NEIL2: variants seen among roughly 807,000 people sequenced by gnomAD.
The protein encoded by NEIL2 is nei like DNA glycosylase 2.
Under a neutral mutation model 22.2 loss-of-function variants are expected in NEIL2, and 23 were observed. The observed-to-expected ratio is 1.04, with a 90% CI of 0.75 to 1.47. The LOEUF (loss-of-function observed/expected upper bound fraction) is 1.47, where lower values mean the gene tolerates loss of function less well. Among genes scored for constraint, NEIL2 ranks in the 40% most tolerant of loss-of-function variants. The probability of loss-of-function intolerance (pLI) is 0.00; values close to 1 mark genes in which losing one functional copy is unlikely to be tolerated. For missense variants in NEIL2, 583 were observed against 404.7 expected, an observed-to-expected ratio of 1.44 and a Z score of -3.78; for synonymous variants, 229 against 164.8, an observed-to-expected ratio of 1.39 and a Z score of -2.99.
In NEIL2 at chr8:11,771,468, G is replaced by A; in HGVS notation, c.21G>A (p.Val7=). ...CAGGGATGCCAGAAGGGCCGTTGGT[G>A]AGGAAATTTCACCATTTGGTCTCCC... MPEGPL[V]RKFHHLVSPF... Residue 7 remains valine, a synonymous_variant, in exon 2 of 5, where the codon GTG becomes GTA. Coordinates refer to ENST00000284503, the MANE Select transcript of NEIL2 (RefSeq NM_145043.4). The A allele has an allele frequency of 1.2e-6, 2 of 1,614,020 alleles. No individual in the cohort carries two copies. The highest frequency in any genetic ancestry group is 1.1e-5 in the South Asian group (1 of 91,074).
intron 1 of NEIL2, among the ~76,000 whole-genome samples, chr8:11,770,959 G>T (rs1054124627): frequency 5.9e-5 from 9 of 152,184 alleles, no homozygotes; most frequent in Non-Finnish European, 1.0e-4. Context: ...CCACGCTAGT[G>T]GTCGGCGGTC....
intron 2 of NEIL2, among the ~76,000 whole-genome samples, chr8:11,773,223 T>C (rs945001044): frequency 6.6e-6 from 1 of 152,156 alleles, no homozygotes; most frequent in African/African-American, 2.4e-5. Context: ...AAGAGAATAT[T>C]TCCCAAGTGG....
At chr8:11,778,930 C>A (rs544140892) in intron 2 of NEIL2, among the ~76,000 whole-genome samples, 1 of 104,382 alleles carries the variant, frequency 9.6e-6, no homozygotes, top group African/African-American at 3.9e-5. Flanking sequence ...CCAGTCTAGG[C>A]GAGACTCCAT....
At chr8:11,771,307 C>CA in intron 1 of NEIL2, 139 bp from the exon 2 acceptor site, 1 of 1,028,208 alleles carries the variant, frequency 9.7e-7, no homozygotes, top group Non-Finnish European at 1.5e-6. Flanking sequence ...CTCCCAGCCA[C>CA]ACTCCCTTTT....
At chr8:11,784,933 A>G (rs1280571037) in intron 4 of NEIL2, among the ~76,000 whole-genome samples, 4 of 152,286 alleles carry the variant, frequency 2.6e-5, no homozygotes, top group South Asian at 2.1e-4. Context: ...CAGTGGCACA[A>G]TCACAACCCA....
intron 2 of NEIL2, among the ~76,000 whole-genome samples, chr8:11,771,971 G>A (rs567035032): frequency 6.6e-6 from 1 of 152,136 alleles, no homozygotes; most frequent in Non-Finnish European, 1.5e-5. Context: ...TTGGGAGGCC[G>A]AGGCGGGTGG....
Position 11,786,116 on chromosome 8 carries a change from A to C in NEIL2, c.842A>C (p.Gln281Pro). 6.2e-7 allele frequency: 1 copy of C among 1,614,152 alleles called. No individual in the cohort carries two copies. Among genetic ancestry groups the C allele is most frequent in the Non-Finnish European group, 8.5e-7 (1 of 1,180,026 alleles). Reference sequence around the variant, plus strand: ...CAGGGCAAGTTCCAAGGCAGACCGCAGCACACACAGGTCTACCAGAAAGAA... The same window carrying C: ...CAGGGCAAGTTCCAAGGCAGACCGCCGCACACACAGGTCTACCAGAAAGAA... ...WLQGKFQGRP[Q>P]HTQVYQKEQC... The change falls in exon 5 of 5, where the codon CAG becomes CCG. Residue 281 changes from glutamine (Q) to proline (P), a missense_variant. Transcript: ENST00000284503.
intron 2 of NEIL2, 35 bp downstream of exon 2, chr8:11,771,620 C>T (rs804268): frequency 3.1e-6 from 5 of 1,597,072 alleles, no homozygotes; most frequent in Admixed American, 1.7e-5. Context: ...TTGGCTCTGT[C>T]GCCCATCCTG....
intron 3 of NEIL2, chr8:11,782,661 T>G (rs1804525496): frequency 5.2e-6 from 1 of 191,570 alleles, no homozygotes; most frequent in South Asian, 1.1e-4. Context: ...TTACTGAGTG[T>G]GCATTGATTT....
chr8:11,771,862 T>C (rs1803479682), intron 2 of NEIL2, among the ~76,000 whole-genome samples: 1 of 152,198 alleles, frequency 6.6e-6, no homozygotes, highest in Non-Finnish European at 1.5e-5. Context: ...ATGGGCACCT[T>C]TGGCTGGGAA....
At position 11,779,884 on chromosome 8, in the gene NEIL2, G is replaced by C; in HGVS notation, c.425G>C (p.Trp142Ser). Residue 142 changes from tryptophan to serine, a missense_variant, in exon 3 of 5, where the codon TGG becomes TCG. Physicochemically the swap from Trp to Ser is radical, Grantham distance 177 (BLOSUM62 -3). Transcript: ENST00000284503. Reference protein sequence around the residue: ...RVSFGLFGSVWVNDFSRAKKA... With the variant: ...RVSFGLFGSVSVNDFSRAKKA... ...AGCTTTGGTTTGTTTGGCAGCGTTT[G>C]GGTGAACGATTTCTCCAGAGCCAAG... 6 of 1,614,202 alleles carry C rather than the reference G, an allele frequency of 3.7e-6. No homozygotes were observed. The highest frequency in any genetic ancestry group is 4.2e-6 in the Non-Finnish European group (5 of 1,180,038).
Position 11,771,554 on chromosome 8 carries a change from G to A in NEIL2, c.107G>A (p.Ser36Asn), listed in dbSNP as rs1441877618. ...GGSSKKLQPA[S>N]LQSLWLQDTQ... ...AGCAGTAAGAAGCTACAGCCCGCCA[G>A]CCTGCAGTCTCTGTGGCTCCAGGAC... The change falls in exon 2 of 5, where the codon AGC becomes AAC. Residue 36 changes from serine to asparagine, a missense_variant. Coordinates refer to ENST00000284503, the MANE Select transcript of NEIL2 (RefSeq NM_145043.4). 9.9e-6 allele frequency: 16 copies of A among 1,613,982 alleles called. No homozygotes were observed. In the Admixed American group the frequency reaches 2.2e-4, roughly 22 times the overall value.
chr8:11,778,585 G>C (rs1321601816), intron 2 of NEIL2, among the ~76,000 whole-genome samples: 1 of 152,036 alleles, frequency 6.6e-6, no homozygotes, highest in Admixed American at 6.5e-5. Context: ...TGAATTTCAG[G>C]CTGTGTAGAA....
chr8:11,772,484 C>T (rs1395413969), intron 2 of NEIL2, among the ~76,000 whole-genome samples: 1 of 152,262 alleles, frequency 6.6e-6, no homozygotes, highest in African/African-American at 2.4e-5. Flanking sequence ...GGTCTTCCAG[C>T]TTCCACTTGG....
intron 2 of NEIL2, among the ~76,000 whole-genome samples, chr8:11,777,880 G>A (rs1446277610): frequency 1.3e-5 from 2 of 152,232 alleles, no homozygotes; most frequent in African/African-American, 4.8e-5. Context: ...CCATTCAGGA[G>A]GCCAGAGCTC....
At chr8:11,773,360 T>C (rs1803638011) in intron 2 of NEIL2, among the ~76,000 whole-genome samples, 1 of 152,148 alleles carries the variant, frequency 6.6e-6, no homozygotes, top group Non-Finnish European at 1.5e-5. Flanking sequence ...CGGGGCTGCC[T>C]GGCAGTGCTT....
Position 11,786,396 on chromosome 8 carries a change from T to A in NEIL2, c.*123T>A, listed in dbSNP as rs940997439. On this transcript the variant is annotated 3_prime_UTR_variant, in exon 5 of 5. Transcript: ENST00000284503. ...TAGTGTGGGTCAGAGGTGCCAGTAG[T>A]ATAATATTCGTCTCCCTGGAGTTAT... 1 of 931,168 alleles carries A rather than the reference T, an allele frequency of 1.1e-6. No individual in the cohort carries two copies. Among genetic ancestry groups the A allele is most frequent in the Non-Finnish European group, 1.7e-6 (1 of 584,936 alleles). The allele number at this position is 931,168 out of a possible 1,614,324, so 57.7% of individuals were successfully genotyped here. A position where few individuals can be genotyped will look rare whatever the true frequency, so the allele number is the denominator to read the frequency against.
rs193163077 is a variant in NEIL2 at position 11,783,999 on chromosome 8, A to T, written c.688+600A>T. Among the ~76,000 whole-genome samples the T allele has an allele frequency of 3.9e-3, 589 of 152,360 alleles. 3 individuals carry two copies. Among genetic ancestry groups the T allele is most frequent in the Non-Finnish European group, 6.5e-3 (441 of 68,034 alleles). On this transcript the variant is annotated intron_variant, in intron 4 of 4. Coordinates refer to ENST00000284503, the MANE Select transcript of NEIL2 (RefSeq NM_145043.4). ...AAGTGCTGAACAATTTCAAAAATAC[A>T]TATAACAGCTAATTAGCGGGACTAT...
chr8:11,774,356 G>C (rs1803730286), intron 2 of NEIL2, among the ~76,000 whole-genome samples: 2 of 152,164 alleles, frequency 1.3e-5, no homozygotes, highest in African/African-American at 4.8e-5. Flanking sequence ...CTCAGCAACA[G>C]AGTGAGACTC....
Sources: allele counts gnomAD v4.1 joint callset (sites outside exome capture counted in the v4.1 genomes callset), GRCh38; gene constraint gnomAD v4.1.1; transcripts MANE v1.5; gene names NCBI Gene and HGNC (gene_info 2026-07-23, HGNC 2026-07-21).